The following ZNF536 variants were observed in gnomAD, a reference collection of about 807,000 sequenced individuals.
ZNF536 encodes zinc finger protein 536.
A neutral mutation model predicts 84.5 loss-of-function variants in ZNF536; 13 were observed. That is an observed-to-expected ratio of 0.15 (90% CI 0.10 to 0.24). The LOEUF is 0.24. Ranked by LOEUF, ZNF536 falls within the 10% of genes least tolerant of loss-of-function variation. ZNF536 has a pLI of 1.00. For missense variants in ZNF536, 1,536 were observed against 1,747.5 expected, an observed-to-expected ratio of 0.88 and a Z score of 2.16; for synonymous variants, 811 against 742.5, an observed-to-expected ratio of 1.09 and a Z score of -1.50.
chr19:30,282,827 A>G (rs1352298561), intron 1 of ZNF536, among the ~76,000 whole-genome samples: 3 of 152,208 alleles, frequency 2.0e-5, no homozygotes, highest in African/African-American at 7.2e-5. Context: ...AGAGAGAGAC[A>G]GACAGACAGA....
chr19:30,291,435 C>A (rs10419407), intron 2 of ZNF536, among the ~76,000 whole-genome samples: 9,599 of 152,202 alleles, frequency 0.063, 738 homozygotes, highest in Admixed American at 0.16. Flanking sequence ...TCTCTAATGA[C>A]CAGTGATGTT....
At chr19:30,338,429 G>T (rs1297966311) in intron 2 of ZNF536, among the ~76,000 whole-genome samples, 1 of 151,652 alleles carries the variant, frequency 6.6e-6, no homozygotes, top group Non-Finnish European at 1.5e-5. Flanking sequence ...AAGATGATTT[G>T]ATGATGATGG....
intron 2 of ZNF536, among the ~76,000 whole-genome samples, chr19:30,349,705 C>A (rs1448144795): frequency 6.6e-6 from 1 of 151,986 alleles, no homozygotes; most frequent in Non-Finnish European, 1.5e-5. Context: ...CACCAACTAG[C>A]CATCTTTTTG....
chr19:30,584,601 A>G (rs1418821969), intron 1 of ZNF536, among the ~76,000 whole-genome samples: 13 of 152,278 alleles, frequency 8.5e-5, no homozygotes, highest in Admixed American at 8.5e-4. Flanking sequence ...CTCTCTGCCA[A>G]TCCATGTCCA....
chr19:30,478,351 C>T (rs183865758), intron 2 of ZNF536, among the ~76,000 whole-genome samples: 97 of 152,112 alleles, frequency 6.4e-4, no homozygotes, highest in East Asian at 4.5e-3. Context: ...TGTGGGGCTC[C>T]GCCAGCTTCT....
chr19:30,645,323 G>A (rs1416892570), intron 1 of ZNF536, among the ~76,000 whole-genome samples: 1 of 152,154 alleles, frequency 6.6e-6, no homozygotes, highest in African/African-American at 2.4e-5. Context: ...TAGGTTGCCT[G>A]TTCACTCTGA....
At chr19:30,510,540 G>A (rs1599638527) in intron 2 of ZNF536, among the ~76,000 whole-genome samples, 1 of 152,188 alleles carries the variant, frequency 6.6e-6, no homozygotes, top group African/African-American at 2.4e-5. Flanking sequence ...AGGGAGGAAG[G>A]CAGGTGGCAA....
At chr19:30,273,753 G>A (rs897902094) in intron 1 of ZNF536, among the ~76,000 whole-genome samples, 31 of 152,142 alleles carry the variant, frequency 2.0e-4, no homozygotes, top group Non-Finnish European at 4.4e-4. Flanking sequence ...TTAGCCAGTG[G>A]CTTTTATTTT....
At position 30,246,523 on chromosome 19, in the gene ZNF536, T is replaced by C. The variant is rs182245688; in HGVS notation, c.-190+17850T>C. Among the ~76,000 whole-genome samples the C allele has an allele frequency of 2.2e-3, 329 of 152,352 alleles. 1 individual carries two copies. The highest frequency in any genetic ancestry group is 7.6e-3 in the African/African-American group (316 of 41,592). On this transcript the variant is annotated intron_variant, in intron 1 of 5. Coordinates refer to the ZNF536 transcript ENST00000585628. ...GACTGCAAGCTTCCTGGGAGCAGAATTGTTCTTTTTCTTCCCATAGTGTGC... is the reference window on the plus strand; with the variant it reads ...GACTGCAAGCTTCCTGGGAGCAGAACTGTTCTTTTTCTTCCCATAGTGTGC...
At chr19:30,511,749 G>A (rs542457112) in intron 2 of ZNF536, among the ~76,000 whole-genome samples, 7 of 152,184 alleles carry the variant, frequency 4.6e-5, no homozygotes, top group Middle Eastern at 3.4e-3. Flanking sequence ...TATTTAAGTC[G>A]GATGCTTGGG....
intron 2 of ZNF536, among the ~76,000 whole-genome samples, chr19:30,288,707 C>T (rs1311746348): frequency 6.6e-6 from 1 of 152,214 alleles, no homozygotes; most frequent in Non-Finnish European, 1.5e-5. Context: ...TCAGTTTTCT[C>T]ATCTGTAAAT....
chr19:30,400,168 G>A (rs544429194), intron 1 of ZNF536, among the ~76,000 whole-genome samples: 3 of 151,546 alleles, frequency 2.0e-5, no homozygotes, highest in Admixed American at 1.3e-4. Flanking sequence ...GGCTGTTATA[G>A]CCAAAATTTC....
At chr19:30,353,386 T>G (rs1213145138) in intron 3 of ZNF536, among the ~76,000 whole-genome samples, 1 of 152,130 alleles carries the variant, frequency 6.6e-6, no homozygotes, top group African/African-American at 2.4e-5. Flanking sequence ...TTCCTTTTTT[T>G]ACCCCCTTTA....
chr19:30,561,230 G>C (rs2046153130), downstream of ZNF536, among the ~76,000 whole-genome samples: 1 of 152,248 alleles, frequency 6.6e-6, no homozygotes, highest in African/African-American at 2.4e-5. Flanking sequence ...TGATGGACAA[G>C]TTGCTTTTTT....
At position 30,590,347 on chromosome 19, in the gene ZNF536, T is replaced by C. The variant is rs539003987; in HGVS notation, c.169+40833T>C. On this transcript the variant is annotated intron_variant, in intron 1 of 1. Coordinates refer to the ZNF536 transcript ENST00000592773. ...GCAGCTGCCTTATGGTCAAGCTTGT[T>C]CCTCCTGGGGCCTCTCTTCCTAGGG... is the stretch of plus-strand genomic sequence containing the variant. Among the ~76,000 whole-genome samples, 8 of 152,292 alleles carry C rather than the reference T, an allele frequency of 5.3e-5. No homozygotes were observed. In the South Asian group the frequency reaches 1.7e-3, roughly 32 times the overall value.
chr19:30,311,649 C>G (rs2046508506), intron 2 of ZNF536, among the ~76,000 whole-genome samples: 1 of 152,192 alleles, frequency 6.6e-6, no homozygotes, highest in South Asian at 2.1e-4. Context: ...CACCCCCACT[C>G]TCTCATTCCC....
chr19:30,517,803 A>G (rs2044145640), intron 2 of ZNF536, among the ~76,000 whole-genome samples: 1 of 152,102 alleles, frequency 6.6e-6, no homozygotes, highest in African/African-American at 2.4e-5. Flanking sequence ...AAATACATAC[A>G]TACATACAAA....
intron 1 of ZNF536, among the ~76,000 whole-genome samples, chr19:30,614,416 T>C (rs1461877273): frequency 1.4e-5 from 2 of 142,746 alleles, no homozygotes; most frequent in Non-Finnish European, 3.0e-5. Context: ...CTCTCTTTCA[T>C]AACTGGCCAC....
intron 2 of ZNF536, among the ~76,000 whole-genome samples, chr19:30,330,594 C>T (rs2047180111): frequency 1.3e-5 from 2 of 152,180 alleles, no homozygotes; most frequent in Non-Finnish European, 2.9e-5. Context: ...GTAAAGTAGT[C>T]TATGGCTGTC....
Sources: gnomAD v4.1 joint callset for allele counts (sites outside exome capture counted in the v4.1 genomes callset) on GRCh38, gnomAD v4.1.1 for gene constraint, MANE v1.5 for transcripts, NCBI Gene and HGNC (gene_info 2026-07-23, HGNC 2026-07-21) for gene names.